Variants in SAMMSON observed in about 807,000 individuals in gnomAD.
SAMMSON encodes the protein long intergenic non-protein coding RNA 1212.
intron 3 of SAMMSON, among the ~76,000 whole-genome samples, chr3:70,026,001 T>G (rs555989901): frequency 1.3e-5 from 2 of 152,114 alleles, no homozygotes; most frequent in Non-Finnish European, 2.9e-5. Context: ...ATTGGACCCA[T>G]GCATTTCAAA....
intron 3 of SAMMSON, among the ~76,000 whole-genome samples, chr3:70,027,339 T>C (rs1239361749): frequency 6.6e-6 from 1 of 152,206 alleles, no homozygotes; most frequent in African/African-American, 2.4e-5. Flanking sequence ...TCTAATACCC[T>C]TGAAGACATC....
chr3:70,122,500 A>T (rs1259679424), intron 4 of SAMMSON, among the ~76,000 whole-genome samples: 2 of 152,214 alleles, frequency 1.3e-5, no homozygotes, highest in Middle Eastern at 3.2e-3. Flanking sequence ...ATGCCATTGC[A>T]CTCAGCCCAA....
chr3:70,101,436 AATT>A (rs571542829), intron 4 of SAMMSON, among the ~76,000 whole-genome samples: 27 of 152,222 alleles, frequency 1.8e-4, no homozygotes, highest in African/African-American at 6.3e-4. Context: ...TAAGAGGCAT[AATT>A]ATTATTTGAT....
chr3:70,355,416 C>T (rs1242783813), intron 8 of SAMMSON, among the ~76,000 whole-genome samples: 1 of 151,918 alleles, frequency 6.6e-6, no homozygotes, highest in African/African-American at 2.4e-5. Context: ...AATTAGAATC[C>T]TCATTCATAC....
intron 7 of SAMMSON, among the ~76,000 whole-genome samples, chr3:70,299,645 G>A (rs7646775): frequency 0.21 from 31,546 of 151,846 alleles, 3,453 homozygotes; most frequent in South Asian, 0.28. Context: ...TCTCAAATTC[G>A]GAATTCATGC....
intron 1 of SAMMSON, among the ~76,000 whole-genome samples, chr3:70,006,583 A>G (rs1306195948): frequency 6.6e-6 from 1 of 152,208 alleles, no homozygotes; most frequent in African/African-American, 2.4e-5. Flanking sequence ...TCAAAAGGGA[A>G]TAAAACCACA....
chr3:70,054,806 T>C (rs1009638313), intron 3 of SAMMSON, among the ~76,000 whole-genome samples: 1 of 152,086 alleles, frequency 6.6e-6, no homozygotes, highest in African/African-American at 2.4e-5. Context: ...AACAGGGAAG[T>C]AGCTGCTTCA....
At position 70,401,078 on chromosome 3, in the gene SAMMSON, C is replaced by G. The variant is rs191296905; in HGVS notation, n.233+42754C>G. Among the ~76,000 whole-genome samples, 16 of 152,278 alleles carry G rather than the reference C, an allele frequency of 1.1e-4. No individual in the cohort carries two copies. The East Asian group carries it at 3.1e-3, about 29-fold the overall frequency. Reference sequence around the variant, plus strand: ...CACTAATATAATATTACATACTGCTCTATTAGTCTTTATTCCTTTTGTTTT... The same window carrying G: ...CACTAATATAATATTACATACTGCTGTATTAGTCTTTATTCCTTTTGTTTT... On this transcript the variant is annotated intron_variant and non_coding_transcript_variant, in intron 2 of 3. Transcript: ENST00000641053.
intron 2 of SAMMSON, among the ~76,000 whole-genome samples, chr3:70,012,851 C>G (rs1250989254): frequency 7.9e-5 from 12 of 152,150 alleles, no homozygotes; most frequent in Admixed American, 5.9e-4. Context: ...ATGGGAAGTT[C>G]TCGTACATAG....
intron 4 of SAMMSON, among the ~76,000 whole-genome samples, chr3:70,230,915 T>C (rs6775601): frequency 0.45 from 68,412 of 151,930 alleles, 15,926 homozygotes; most frequent in East Asian, 0.86. Context: ...AAAGGCAAAC[T>C]TCCACTTTTC....
chr3:70,419,721 C>T (rs1046612869), intron 2 of SAMMSON, among the ~76,000 whole-genome samples: 1 of 152,180 alleles, frequency 6.6e-6, no homozygotes, highest in Non-Finnish European at 1.5e-5. Context: ...TCACTGCAAG[C>T]TCCGCCTCCC....
intron 7 of SAMMSON, among the ~76,000 whole-genome samples, chr3:70,332,040 G>A (rs1239488054): frequency 1.3e-5 from 2 of 152,156 alleles, no homozygotes; most frequent in Admixed American, 6.6e-5. Flanking sequence ...AATGGAAACC[G>A]CCATTGTTTA....
intron 4 of SAMMSON, among the ~76,000 whole-genome samples, chr3:70,083,056 C>T (rs990381421): frequency 2.6e-5 from 4 of 152,180 alleles, no homozygotes; most frequent in Admixed American, 6.5e-5. Flanking sequence ...AAGTAATCTT[C>T]GTTGTCATTT....
intron 7 of SAMMSON, among the ~76,000 whole-genome samples, chr3:70,349,832 G>A (rs1043101922): frequency 1.3e-5 from 2 of 152,110 alleles, no homozygotes; most frequent in African/African-American, 4.8e-5. Context: ...CAACAATAAT[G>A]GGTAATTGCC....
At chr3:70,364,349 G>A (rs1260670644) in intron 9 of SAMMSON, among the ~76,000 whole-genome samples, 2 of 151,850 alleles carry the variant, frequency 1.3e-5, no homozygotes, top group African/African-American at 4.8e-5. Context: ...GGGCAGTTTG[G>A]CTGGATATAA....
intron 3 of SAMMSON, among the ~76,000 whole-genome samples, chr3:70,061,562 C>G (rs1009711421): frequency 3.0e-4 from 45 of 152,242 alleles, no homozygotes; most frequent in Non-Finnish European, 5.9e-4. Flanking sequence ...TGGCTGCCCA[C>G]TTTCCACAGG....
intron 7 of SAMMSON, among the ~76,000 whole-genome samples, chr3:70,324,199 C>CTATCTATCATCTATCT (rs1553655704): frequency 3.1e-4 from 28 of 90,322 alleles, no homozygotes; most frequent in South Asian, 1.1e-3. Context: ...ATCTATCTAT[C>CTATCTATCATCTATCT]ATCTATCTAT....
chr3:70,156,585 G>A (rs1158594296), intron 4 of SAMMSON, among the ~76,000 whole-genome samples: 3 of 151,986 alleles, frequency 2.0e-5, no homozygotes, highest in African/African-American at 7.2e-5. Context: ...GATGTAGGTC[G>A]TTATCTGTTG....
intron 4 of SAMMSON, among the ~76,000 whole-genome samples, chr3:70,241,246 T>C (rs1172149365): frequency 1.3e-5 from 2 of 152,144 alleles, no homozygotes; most frequent in Non-Finnish European, 2.9e-5. Context: ...TCTTTAGAGG[T>C]GTGTCTTTAT....
Sources: gnomAD v4.1 joint callset for allele counts (sites outside exome capture counted in the v4.1 genomes callset) on GRCh38, gnomAD v4.1.1 for gene constraint, MANE v1.5 for transcripts, NCBI Gene and HGNC (gene_info 2026-07-23, HGNC 2026-07-21) for gene names.